FAM72C: variants seen among roughly 807,000 people sequenced by gnomAD.
The protein encoded by FAM72C is RUMY family member 3, also known as protein FAM72C.
In FAM72C, 1 loss-of-function variant was observed where a neutral mutation model predicts 5.2. The observed-to-expected ratio is 0.19, with a 90% confidence interval of 0.07 to 0.91. FAM72C has a LOEUF of 0.91. Among genes scored for constraint, FAM72C ranks in the 40% least tolerant of loss-of-function variants. FAM72C has a pLI of 0.66. For synonymous variants in FAM72C, 1 was observed against 21.8 expected, an observed-to-expected ratio of 0.05 and a Z score of 2.66; for missense variants, 4 against 66.0, an observed-to-expected ratio of 0.06 and a Z score of 3.25.
intron 3 of FAM72C, among the ~76,000 whole-genome samples, chr1:143,964,065 C>T (rs1222114226): frequency 3.0e-4 from 13 of 43,080 alleles, no homozygotes; most frequent in East Asian, 7.0e-4. Context: ...GTGATCCTCC[C>T]GCCTTGGACT....
At chr1:143,967,052 T>A (rs1295329584) in intron 2 of FAM72C, among the ~76,000 whole-genome samples, 3 of 142,520 alleles carry the variant, frequency 2.1e-5, no homozygotes, top group African/African-American at 7.9e-5. Context: ...AAAATGTCGT[T>A]GCCCAGGTGC....
intron 3 of FAM72C, among the ~76,000 whole-genome samples, chr1:143,960,682 T>C (rs1661591297): frequency 7.9e-6 from 1 of 126,612 alleles, no homozygotes; most frequent in South Asian, 2.7e-4. Flanking sequence ...GATGACACCA[T>C]TGCACATCAG....
Position 143,960,638 on chromosome 1 carries a change from T to C in FAM72C, c.356-4157A>G, listed in dbSNP as rs587748780. Among the ~76,000 whole-genome samples, 25 of 130,920 alleles carry C rather than the reference T, an allele frequency of 1.9e-4. 5 individuals are homozygous for C. The South Asian group carries it at 6.5e-3, about 34-fold the overall frequency. The allele number at this position is 130,920 out of a possible 152,430, so 85.9% of individuals were successfully genotyped here. The stretch of plus-strand genomic sequence containing the variant: ...CGGGAGGCTGAGGCACGAGAATCGC[T>C]TGAACCCGGGAGGCAGAGGCTGCCA... On this transcript the variant is annotated intron_variant, in intron 3 of 3. Transcript: ENST00000584486.
chr1:143,967,163 G>A (rs1423838297), intron 2 of FAM72C, among the ~76,000 whole-genome samples: 41,067 of 143,796 alleles, frequency 0.29, 9,349 homozygotes, highest in Non-Finnish European at 0.35. Flanking sequence ...GCGAAATCCC[G>A]TCTCTACTAA....
intron 3 of FAM72C, among the ~76,000 whole-genome samples, chr1:143,958,928 G>A (rs1424725273): frequency 1.4e-5 from 2 of 141,314 alleles, no homozygotes; most frequent in Admixed American, 7.2e-5. Context: ...GACAGTTGTG[G>A]CGCCATTAGA....
chr1:143,960,518 A>T (rs1208516731), intron 3 of FAM72C, among the ~76,000 whole-genome samples: 1 of 139,814 alleles, frequency 7.2e-6, no homozygotes. Flanking sequence ...CCCTGAGGTC[A>T]GGTGTTCAAG....
chr1:143,962,045 A>G (rs1269757796), intron 3 of FAM72C, among the ~76,000 whole-genome samples: 9 of 139,238 alleles, frequency 6.5e-5, no homozygotes, highest in Non-Finnish European at 1.4e-4. Flanking sequence ...ATGGAGTTTC[A>G]CTTTTGTTGC....
rs1336548034 is a variant in FAM72C at position 143,965,441 on chromosome 1, C to T, written c.231-462G>A. 6.5e-5 allele frequency among the ~76,000 whole-genome samples: 7 copies of T among 108,196 alleles called. 3 individuals are homozygous for T. The highest frequency in any genetic ancestry group is 1.2e-4 in the Non-Finnish European group (6 of 51,588). The allele number at this position is 108,196 out of a possible 152,430, so 71.0% of individuals were successfully genotyped here. A position where few individuals can be genotyped will look rare whatever the true frequency, so the allele number is the denominator to read the frequency against. Reference sequence around the variant, plus strand: ...GAACTCCTGACCTCAGGTGATCCACCTGCCTTGGCTTCCCAAAGTTCTGGG... The same window carrying T: ...GAACTCCTGACCTCAGGTGATCCACTTGCCTTGGCTTCCCAAAGTTCTGGG... On this transcript the variant is annotated intron_variant, in intron 2 of 3. Transcript: ENST00000584486.
intron 3 of FAM72C, among the ~76,000 whole-genome samples, chr1:143,960,740 G>A (rs868986003): frequency 0.018 from 2,223 of 123,888 alleles, 175 homozygotes; most frequent in African/African-American, 0.065. Flanking sequence ...AAAAAAAAAA[G>A]AATTAGTATT....
chr1:143,960,456 G>A (rs1270667388), intron 3 of FAM72C, among the ~76,000 whole-genome samples: 1 of 117,202 alleles, frequency 8.5e-6, no homozygotes, highest in Admixed American at 8.7e-5. Flanking sequence ...GGTGACTCAC[G>A]TCTGTAATCC....
At chr1:143,960,902 C>T (rs1661606801) in intron 3 of FAM72C, among the ~76,000 whole-genome samples, 1 of 128,912 alleles carries the variant, frequency 7.8e-6, no homozygotes, top group Admixed American at 7.9e-5. Flanking sequence ...GGTGCCACCT[C>T]GGCTTACTGC....
At chr1:143,960,858 G>A (rs587629424) in intron 3 of FAM72C, among the ~76,000 whole-genome samples, 15 of 123,106 alleles carry the variant, frequency 1.2e-4, no homozygotes, top group African/African-American at 3.1e-4. Context: ...TTTTGAGACA[G>A]GATCTCACTC....
chr1:143,960,038 T>C (rs1553517702), intron 3 of FAM72C, among the ~76,000 whole-genome samples: 1 of 124,802 alleles, frequency 8.0e-6, no homozygotes, highest in Non-Finnish European at 1.7e-5. Context: ...ATGTTAGACA[T>C]GGAGAACATG....
intron 2 of FAM72C, among the ~76,000 whole-genome samples, chr1:143,967,155 G>T (rs1318264057): frequency 6.9e-6 from 1 of 145,466 alleles, no homozygotes; most frequent in Non-Finnish European, 1.5e-5. Context: ...CTAACATGGC[G>T]AAATCCCGTC....
Position 143,955,613 on chromosome 1 carries a change from G to A in FAM72C, c.*774C>T, listed in dbSNP as rs1347492919. On this transcript the variant is annotated 3_prime_UTR_variant, in exon 4 of 4. Transcript: ENST00000584486. ...ACAATGGCTTAAGCAAATCGCTTTA[G>A]TTTTTTTTTCTATTTAAGATTTAGG... 1.4e-5 allele frequency: 2 copies of A among 142,348 alleles called. 1 individual carries two copies. The highest frequency in any genetic ancestry group is 3.1e-5 in the Non-Finnish European group (2 of 65,250). The allele number at this position is 142,348 out of a possible 1,614,324, so 8.8% of individuals were successfully genotyped here. A position where few individuals can be genotyped will look rare whatever the true frequency, so the allele number is the denominator to read the frequency against.
chr1:143,965,552 G>A (rs2101702878), intron 2 of FAM72C, among the ~76,000 whole-genome samples: 2 of 91,394 alleles, frequency 2.2e-5, no homozygotes, highest in East Asian at 5.3e-4. Context: ...ATGCCATAAT[G>A]TTGTGATTTG....
At chr1:143,965,994 A>T (rs1274961959) in intron 2 of FAM72C, among the ~76,000 whole-genome samples, 13 of 108,286 alleles carry the variant, frequency 1.2e-4, no homozygotes, top group African/African-American at 3.8e-4. Context: ...AAAAATAGCA[A>T]CATGAACTGT....
chr1:143,967,484 A>G (rs1200947452), intron 2 of FAM72C, among the ~76,000 whole-genome samples: 5 of 143,504 alleles, frequency 3.5e-5, no homozygotes, highest in African/African-American at 1.3e-4. Flanking sequence ...TCTTAAAAAA[A>G]AAAAAAAAAG....
At chr1:143,958,176 C>CT (rs1661492743) in intron 3 of FAM72C, among the ~76,000 whole-genome samples, 1 of 134,476 alleles carries the variant, frequency 7.4e-6, no homozygotes, top group African/African-American at 2.7e-5. Context: ...TATTACACTA[C>CT]ATATTGTTTT....
Sources: gnomAD v4.1 joint callset for allele counts (sites outside exome capture counted in the v4.1 genomes callset) on GRCh38, gnomAD v4.1.1 for gene constraint, MANE v1.5 for transcripts, NCBI Gene and HGNC (gene_info 2026-07-23, HGNC 2026-07-21) for gene names.